GATAD2B: variants seen among roughly 807,000 people sequenced by gnomAD.
GATAD2B encodes the protein transcriptional repressor p66-beta.
GATAD2B carries 8 observed loss-of-function variants against 64.3 expected under a neutral mutation model. The ratio of observed to expected loss-of-function variants is 0.12; its 90% CI spans 0.07 to 0.22. The LOEUF is 0.22. Ranked by LOEUF, GATAD2B falls within the 10% of genes least tolerant of loss-of-function variation. GATAD2B has a pLI of 1.00. For synonymous variants in GATAD2B, 281 were observed against 271.3 expected (o/e 1.04, Z -0.35); for missense variants, 453 against 752.0 (o/e 0.60, Z 4.65).
intron 1 of GATAD2B, among the ~76,000 whole-genome samples, chr1:153,855,678 T>C (rs1676060308): frequency 6.6e-6 from 1 of 152,026 alleles, no homozygotes; most frequent in African/African-American, 2.4e-5. Context: ...CTACTTATTT[T>C]ATATATTTTT....
At position 153,852,773 on chromosome 1, in the gene GATAD2B, C is replaced by CA; in HGVS notation, c.-1-24426dup. On this transcript the variant is annotated intron_variant, in intron 1 of 10. Transcript: ENST00000368655. Reference sequence around the variant, plus strand: ...TTGGTAGACAGGGATCCCAGTCTAACATAACAACTTGGCTTCTGAACCATA... The same window carrying CA: ...TTGGTAGACAGGGATCCCAGTCTAACAATAACAACTTGGCTTCTGAACCATA... The CA allele has an allele frequency of 3.2e-6, 3 of 948,234 alleles. No individual in the cohort carries two copies. The East Asian group carries it at 7.2e-5, about 23-fold the overall frequency. 58.7% of individuals were successfully genotyped at this position (948,234 alleles called of 1,614,324 possible).
intron 2 of GATAD2B, among the ~76,000 whole-genome samples, chr1:153,823,508 T>C (rs1432449663): frequency 1.3e-5 from 2 of 152,186 alleles, no homozygotes; most frequent in Non-Finnish European, 2.9e-5. Context: ...CCTTCTGCTT[T>C]CAAATTCTTT....
chr1:153,878,442 AAG>A (rs1424360548), intron 1 of GATAD2B, among the ~76,000 whole-genome samples: 7 of 152,150 alleles, frequency 4.6e-5, no homozygotes, highest in African/African-American at 1.7e-4. Flanking sequence ...ACAATCCTTA[AAG>A]AAAGTAATAA....
Position 153,804,944 on chromosome 1 carries a change from T to C in GATAD2B, c.*5233A>G, listed in dbSNP as rs1181553339. The stretch of plus-strand genomic sequence containing the variant: ...TTTTCATTTTATTTCCCAAACACAA[T>C]GCAGAAAATCAGAATGAGTTAAAAA... On this transcript the variant is annotated 3_prime_UTR_variant, in exon 11 of 11. Coordinates refer to ENST00000368655, the MANE Select transcript of GATAD2B (RefSeq NM_020699.4). 6.6e-6 allele frequency: 1 copy of C among 152,210 alleles called. No individual in the cohort carries two copies. Among genetic ancestry groups the C allele is most frequent in the Non-Finnish European group, 1.5e-5 (1 of 68,034 alleles). 9.4% of individuals were successfully genotyped at this position (152,210 alleles called of 1,614,324 possible).
At chr1:153,861,795 A>AAAAAAAAAAAAAT (rs371843941) in intron 1 of GATAD2B, among the ~76,000 whole-genome samples, 1 of 98,526 alleles carries the variant, frequency 1.0e-5, no homozygotes, top group Non-Finnish European at 2.0e-5. Flanking sequence ...AAAAAAAAAA[A>AAAAAAAAAAAAAT]ATATATATAT....
At chr1:153,839,108 CAAAAAAAAAAAAA>C (rs35262137) in intron 1 of GATAD2B, among the ~76,000 whole-genome samples, 5 of 78,576 alleles carry the variant, frequency 6.4e-5, no homozygotes, top group Admixed American at 3.1e-4. Context: ...GACCCTGTCT[CAAAAAAAAAAAAA>C]AAAAAAAAAA....
intron 2 of GATAD2B, among the ~76,000 whole-genome samples, chr1:153,826,123 C>A (rs1674869357): frequency 6.6e-6 from 1 of 152,102 alleles, no homozygotes; most frequent in Non-Finnish European, 1.5e-5. Flanking sequence ...CCTGCCTCAG[C>A]CTCCCAAGTA....
chr1:153,902,547 C>T (rs904764540), intron 1 of GATAD2B, among the ~76,000 whole-genome samples: 2 of 152,060 alleles, frequency 1.3e-5, no homozygotes, highest in African/African-American at 4.8e-5. Flanking sequence ...CTCAACCTCC[C>T]GGGCTCAAGG....
chr1:153,876,141 T>A (rs953818444), intron 1 of GATAD2B, among the ~76,000 whole-genome samples: 2 of 139,466 alleles, frequency 1.4e-5, no homozygotes, highest in African/African-American at 5.4e-5. Flanking sequence ...GGCAGGAGAA[T>A]CGCTTGAACC....
rs1674943604 is a variant in GATAD2B at position 153,828,032 on chromosome 1, C to T, written c.316G>A (p.Asp106Asn). The T allele has an allele frequency of 1.9e-6, 3 of 1,613,860 alleles. No individual in the cohort carries two copies. Among genetic ancestry groups the T allele is most frequent in the African/African-American group, 1.3e-5 (1 of 74,926 alleles). ...GKENINDEPV[D>N]MSARRSEPER... ...CCATACCTCCGTCTAGCACTCATAT[C>T]CACAGGCTCATCATTGATGTTTTCT... The change falls in exon 2 of 11, where the codon GAT (aspartate) becomes AAT (asparagine). Residue 106 changes from aspartate (D) to asparagine (N), a missense_variant. By Grantham distance (23) the Asp-to-Asn change is conservative (BLOSUM62 1). Transcript: ENST00000368655.
At chr1:153,858,200 C>T (rs1056051058) in intron 1 of GATAD2B, among the ~76,000 whole-genome samples, 2 of 152,200 alleles carry the variant, frequency 1.3e-5, no homozygotes, top group Non-Finnish European at 2.9e-5. Context: ...TCCTTCCAAT[C>T]TAACTTATTT....
chr1:153,922,286 G>A (rs1487376916), intron 1 of GATAD2B, among the ~76,000 whole-genome samples: 3 of 141,764 alleles, frequency 2.1e-5, no homozygotes, highest in East Asian at 4.5e-4. Context: ...GGTGGAGAGA[G>A]TTAAAAAAAA....
At chr1:153,910,386 G>A (rs1678079948) in intron 1 of GATAD2B, among the ~76,000 whole-genome samples, 2 of 152,152 alleles carry the variant, frequency 1.3e-5, no homozygotes, top group Non-Finnish European at 2.9e-5. Context: ...CAACCATTCT[G>A]GTTTACACCT....
At position 153,805,981 on chromosome 1, in the gene GATAD2B, T is replaced by C. The variant is rs1674102722; in HGVS notation, c.*4196A>G. 1 of 152,166 alleles carries C rather than the reference T, an allele frequency of 6.6e-6. No homozygotes were observed. The highest frequency in any genetic ancestry group is 1.5e-5 in the Non-Finnish European group (1 of 68,038). 9.4% of individuals were successfully genotyped at this position (152,166 alleles called of 1,614,324 possible). On this transcript the variant is annotated 3_prime_UTR_variant, in exon 11 of 11. Transcript: ENST00000368655. Reference sequence around the variant, plus strand: ...GGTGAAATTTCCTCAGGATGACTTATTAAAATCCTTTCTATCATCCCCTGA... The same window carrying C: ...GGTGAAATTTCCTCAGGATGACTTACTAAAATCCTTTCTATCATCCCCTGA...
intron 1 of GATAD2B, among the ~76,000 whole-genome samples, chr1:153,883,566 G>C (rs1677068517): frequency 6.6e-6 from 1 of 152,122 alleles, no homozygotes; most frequent in Admixed American, 6.6e-5. Flanking sequence ...CATTTCCACA[G>C]GAAACCAATT....
intron 1 of GATAD2B, among the ~76,000 whole-genome samples, chr1:153,854,935 G>A (rs991332668): frequency 6.6e-5 from 10 of 151,938 alleles, no homozygotes; most frequent in Admixed American, 2.0e-4. Context: ...CAATGAGCAC[G>A]GTCTCTTCAA....
At chr1:153,907,833 T>C in intron 1 of GATAD2B, among the ~76,000 whole-genome samples, 1 of 147,854 alleles carries the variant, frequency 6.8e-6, no homozygotes, top group Non-Finnish European at 1.5e-5. Flanking sequence ...GAGATGGAGT[T>C]TTGCTCTGTC....
chr1:153,813,161 C>A, intron 8 of GATAD2B, 89 bp downstream of exon 8: 1 of 924,568 alleles, frequency 1.1e-6, no homozygotes, highest in Non-Finnish European at 1.8e-6. Flanking sequence ...CTGTAGGGAT[C>A]ACATGAACCA....
chr1:153,844,420 A>AT (rs200577311), intron 1 of GATAD2B, among the ~76,000 whole-genome samples: 100 of 147,108 alleles, frequency 6.8e-4, no homozygotes, highest in Admixed American at 2.7e-3. Flanking sequence ...CTAACAAATT[A>AT]TAAAAAAAAA....
Sources: gnomAD v4.1 joint callset for allele counts (sites outside exome capture counted in the v4.1 genomes callset) on GRCh38, gnomAD v4.1.1 for gene constraint, MANE v1.5 for transcripts, NCBI Gene and HGNC (gene_info 2026-07-23, HGNC 2026-07-21) for gene names.